The following IQCJ variants were observed in gnomAD, a reference collection of about 807,000 sequenced individuals.
IQCJ encodes IQ motif containing J.
A neutral mutation model predicts 11.0 loss-of-function variants in IQCJ; 9 were observed. The observed-to-expected ratio is 0.82, with a 90% confidence interval of 0.49 to 1.43. The LOEUF is 1.43. Ranked by LOEUF, IQCJ falls within the 40% of genes most tolerant of loss-of-function variation. The pLI is 0.00. For missense variants in IQCJ, 146 were observed against 133.2 expected (o/e 1.10, Z -0.47); for synonymous variants, 55 against 51.3 (o/e 1.07, Z -0.31).
At chr3:159,231,667 C>G (rs1726257457) in intron 1 of IQCJ, among the ~76,000 whole-genome samples, 1 of 152,138 alleles carries the variant, frequency 6.6e-6, no homozygotes, top group South Asian at 2.1e-4. Context: ...GGAGGAGTCA[C>G]TCTTTTCTAT....
intron 1 of IQCJ, among the ~76,000 whole-genome samples, chr3:159,138,127 T>A (rs189785283): frequency 1.3e-5 from 2 of 152,348 alleles, no homozygotes; most frequent in Non-Finnish European, 2.9e-5. Flanking sequence ...CACAGTGACG[T>A]GTTCCTGCCC....
chr3:159,075,175 G>A (rs375291182), intron 1 of IQCJ, among the ~76,000 whole-genome samples: 1 of 152,072 alleles, frequency 6.6e-6, no homozygotes, highest in African/African-American at 2.4e-5. Context: ...AAGTTTTATA[G>A]GAATTTGCAA....
chr3:159,222,902 G>A (rs1194284501), intron 1 of IQCJ, among the ~76,000 whole-genome samples: 1 of 152,004 alleles, frequency 6.6e-6, no homozygotes, highest in Non-Finnish European at 1.5e-5. Flanking sequence ...ACATATTCTA[G>A]TAAAGTTATT....
intron 1 of IQCJ, among the ~76,000 whole-genome samples, chr3:159,076,756 G>C (rs745509652): frequency 4.6e-5 from 7 of 152,100 alleles, no homozygotes; most frequent in Non-Finnish European, 1.0e-4. Flanking sequence ...TAGGAGCACA[G>C]AGACAGAATG....
chr3:159,089,306 C>T (rs1295630338), intron 1 of IQCJ, among the ~76,000 whole-genome samples: 1 of 152,202 alleles, frequency 6.6e-6, no homozygotes, highest in Non-Finnish European at 1.5e-5. Context: ...GTCTGATGGG[C>T]TTCCCTTTGA....
intron 1 of IQCJ, among the ~76,000 whole-genome samples, chr3:159,184,282 C>T (rs940788899): frequency 2.0e-5 from 3 of 152,114 alleles, no homozygotes; most frequent in African/African-American, 7.2e-5. Context: ...ATCTGAAACA[C>T]TCTTTCTCCA....
At chr3:159,242,585 T>G (rs146868050) in intron 1 of IQCJ, among the ~76,000 whole-genome samples, 1 of 135,172 alleles carries the variant, frequency 7.4e-6, no homozygotes, top group African/African-American at 2.8e-5. Flanking sequence ...TTTTTTTTTT[T>G]GGTATCAGAA....
Position 159,094,907 on chromosome 3 carries a change from G to C in IQCJ, c.9+25466G>C, listed in dbSNP as rs180721422. Among the ~76,000 whole-genome samples, 318 of 151,948 alleles carry C rather than the reference G, an allele frequency of 2.1e-3. 15 individuals are homozygous for C. The highest frequency in any genetic ancestry group is 7.3e-3 in the African/African-American group (299 of 41,222). ...ATATGTACCTGTATCAGTAGTTACA[G>C]TATTGAAGTTATTCCACATCAGGTA... On this transcript the variant is annotated intron_variant, in intron 1 of 3. Transcript: ENST00000397832.
intron 1 of IQCJ, among the ~76,000 whole-genome samples, chr3:159,114,107 G>T (rs1220414186): frequency 6.6e-6 from 1 of 152,098 alleles, no homozygotes; most frequent in Admixed American, 6.6e-5. Context: ...ATTGGCACTT[G>T]CTAATTTGCT....
chr3:159,254,790 C>G (rs1727796601), intron 3 of IQCJ, among the ~76,000 whole-genome samples: 1 of 152,136 alleles, frequency 6.6e-6, no homozygotes, highest in African/African-American at 2.4e-5. Context: ...CAAGACTGCC[C>G]CAGGTTTCCT....
chr3:159,261,388 C>G (rs1434745062), intron 3 of IQCJ, among the ~76,000 whole-genome samples: 1 of 152,208 alleles, frequency 6.6e-6, no homozygotes, highest in Non-Finnish European at 1.5e-5. Context: ...ACAAGCCAGT[C>G]TGATATGATT....
At chr3:159,111,208 T>C (rs1361163987) in intron 1 of IQCJ, among the ~76,000 whole-genome samples, 1 of 152,194 alleles carries the variant, frequency 6.6e-6, no homozygotes, top group African/African-American at 2.4e-5. Flanking sequence ...TCTAATCTTT[T>C]ACCAGGAAAT....
chr3:159,262,420 C>T, intron 3 of IQCJ, 128 bp from the exon 4 acceptor site: 1 of 1,393,636 alleles, frequency 7.2e-7, no homozygotes, highest in South Asian at 1.4e-5. Flanking sequence ...ACATCACATT[C>T]TGTATGTTCT....
chr3:159,101,777 A>T (rs1361957151), intron 1 of IQCJ, among the ~76,000 whole-genome samples: 3 of 152,184 alleles, frequency 2.0e-5, no homozygotes, highest in Admixed American at 6.5e-5. Context: ...TCTTAATGTC[A>T]AGACCCCAGC....
At chr3:159,135,552 T>C (rs1435131493) in intron 1 of IQCJ, among the ~76,000 whole-genome samples, 3 of 152,242 alleles carry the variant, frequency 2.0e-5, no homozygotes, top group African/African-American at 7.2e-5. Context: ...CCAGGCTCCT[T>C]CTACCTGTGT....
intron 1 of IQCJ, 40 bp from the exon 2 acceptor site, chr3:159,245,803 C>T (rs534940292): frequency 1.4e-6 from 2 of 1,480,834 alleles, no homozygotes; most frequent in East Asian, 2.5e-5. Flanking sequence ...TCGGAAGTAG[C>T]TGGTGACAAT....
intron 1 of IQCJ, among the ~76,000 whole-genome samples, chr3:159,133,195 G>A (rs1341505009): frequency 6.6e-6 from 1 of 152,028 alleles, no homozygotes; most frequent in Non-Finnish European, 1.5e-5. Flanking sequence ...TGGTTCTCAG[G>A]GAAAACCAGA....
chr3:159,148,783 T>C (rs995921471), intron 1 of IQCJ, among the ~76,000 whole-genome samples: 1 of 152,246 alleles, frequency 6.6e-6, no homozygotes, highest in African/African-American at 2.4e-5. Flanking sequence ...AAGATGGATT[T>C]TTTTTAACAA....
intron 1 of IQCJ, among the ~76,000 whole-genome samples, chr3:159,088,825 G>C (rs1242194966): frequency 1.3e-5 from 2 of 152,108 alleles, no homozygotes; most frequent in African/African-American, 4.8e-5. Flanking sequence ...CTGCACGTGA[G>C]ATGGGTTTCC....
Sources: allele counts gnomAD v4.1 joint callset (sites outside exome capture counted in the v4.1 genomes callset), GRCh38; gene constraint gnomAD v4.1.1; transcripts MANE v1.5; gene names NCBI Gene and HGNC (gene_info 2026-07-23, HGNC 2026-07-21).